Variants in ANKRD44 observed in about 807,000 individuals in gnomAD.
ANKRD44 encodes the protein serine/threonine-protein phosphatase 6 regulatory ankyrin repeat subunit B.
ANKRD44 carries 35 observed loss-of-function variants against 116.0 expected under a neutral mutation model. That is an observed-to-expected ratio of 0.30 (90% CI 0.23 to 0.40). The LOEUF is 0.40. ANKRD44 is among the 10% of genes least tolerant of loss of function. ANKRD44 has a pLI of 1.00. For synonymous variants in ANKRD44, 435 were observed against 461.8 expected, an observed-to-expected ratio of 0.94 and a Z score of 0.74; for missense variants, 1,014 against 1,242.6, an observed-to-expected ratio of 0.82 and a Z score of 2.77.
chr2:197,219,748 T>A (rs1471886227), intron 1 of ANKRD44, among the ~76,000 whole-genome samples: 3 of 152,148 alleles, frequency 2.0e-5, no homozygotes, highest in East Asian at 3.8e-4. Flanking sequence ...ATTTTTTTTT[T>A]AATTTTTATA....
chr2:196,998,498 ATAAC>A (rs2076055326), intron 24 of ANKRD44, 79 bp from the exon 25 acceptor site: 1 of 967,598 alleles, frequency 1.0e-6, no homozygotes, highest in African/African-American at 1.6e-5. Flanking sequence ...TACAAACACA[ATAAC>A]ATATTTAAAT....
At chr2:197,248,994 C>T (rs896211048) in intron 1 of ANKRD44, among the ~76,000 whole-genome samples, 1 of 151,994 alleles carries the variant, frequency 6.6e-6, no homozygotes, top group African/African-American at 2.4e-5. Flanking sequence ...ACTAGCTGGC[C>T]GAGTGAGGTG....
chr2:197,254,120 C>T (rs747973087), intron 1 of ANKRD44, among the ~76,000 whole-genome samples: 3 of 152,182 alleles, frequency 2.0e-5, no homozygotes, highest in African/African-American at 7.2e-5. Context: ...AGACGAGGCA[C>T]GGTGGCTCAC....
At chr2:197,063,530 A>G (rs1335317304) in intron 16 of ANKRD44, among the ~76,000 whole-genome samples, 1 of 152,222 alleles carries the variant, frequency 6.6e-6, no homozygotes, top group African/African-American at 2.4e-5. Flanking sequence ...GTTCGAACCC[A>G]TCGCAAAGAA....
chr2:197,226,158 T>C lies in ANKRD44; in HGVS notation c.28-39052A>G, dbSNP rs190742086. On this transcript the variant is annotated intron_variant, in intron 1 of 27. Transcript: ENST00000282272. Reference sequence around the variant, plus strand: ...TACAAGCTGCTGTGTCATCTATAAATCCCTTGGTTAGAGACCAACTATATA... The same window carrying C: ...TACAAGCTGCTGTGTCATCTATAAACCCCTTGGTTAGAGACCAACTATATA... Among the ~76,000 whole-genome samples the C allele has an allele frequency of 2.0e-5, 3 of 152,298 alleles. No homozygotes were observed. The East Asian group carries it at 5.8e-4, about 29-fold the overall frequency.
chr2:196,993,726 G>A, intron 26 of ANKRD44, 52 bp from the exon 27 acceptor site: 1 of 1,479,988 alleles, frequency 6.8e-7, no homozygotes, highest in African/African-American at 1.4e-5. Flanking sequence ...GGGTGAGAAT[G>A]TGGAATTTTT....
intron 1 of ANKRD44, among the ~76,000 whole-genome samples, chr2:197,205,989 C>T (rs186609411): frequency 2.6e-5 from 4 of 152,244 alleles, no homozygotes; most frequent in East Asian, 3.9e-4. Context: ...GGGCTGGCCA[C>T]GCTGAGACTT....
chr2:196,978,490 C>A (rs2075775649), intron 21 of ANKRD44, among the ~76,000 whole-genome samples: 1 of 152,202 alleles, frequency 6.6e-6, no homozygotes, highest in South Asian at 2.1e-4. Context: ...TGAAAACATT[C>A]TGCTTAGAAG....
At chr2:197,106,581 A>C (rs2078432775) in intron 9 of ANKRD44, among the ~76,000 whole-genome samples, 1 of 152,074 alleles carries the variant, frequency 6.6e-6, no homozygotes, top group Non-Finnish European at 1.5e-5. Context: ...CGAGGTCAGG[A>C]GATTGAGACC....
intron 1 of ANKRD44, chr2:197,296,230 G>A (rs564193999): frequency 6.6e-5 from 10 of 151,944 alleles, no homozygotes; most frequent in African/African-American, 2.4e-4. Flanking sequence ...AAAATAATTT[G>A]TTACCTGCCT....
chr2:197,023,284 AT>A (rs1370462351), intron 17 of ANKRD44, among the ~76,000 whole-genome samples: 1 of 152,220 alleles, frequency 6.6e-6, no homozygotes, highest in Admixed American at 6.5e-5. Context: ...TTGGGTTAAT[AT>A]CACACAATAA....
At chr2:196,993,456 C>T (rs1317251586) in intron 27 of ANKRD44, 127 bp downstream of exon 27, 23 of 737,498 alleles carry the variant, frequency 3.1e-5, no homozygotes, top group Non-Finnish European at 4.5e-5. Context: ...ATTTCTCACA[C>T]ACAGGACTTC....
intron 1 of ANKRD44, among the ~76,000 whole-genome samples, chr2:197,280,827 C>A (rs2083243063): frequency 6.6e-6 from 1 of 152,180 alleles, no homozygotes; most frequent in Non-Finnish European, 1.5e-5. Context: ...CATATTTAGT[C>A]TTTTTCTCCC....
At chr2:197,236,990 G>C (rs2081992184) in intron 1 of ANKRD44, among the ~76,000 whole-genome samples, 2 of 152,184 alleles carry the variant, frequency 1.3e-5, no homozygotes, top group South Asian at 4.1e-4. Flanking sequence ...AAAATAGGAG[G>C]AACAAAGTGT....
At chr2:197,198,973 T>C (rs552977055) in intron 1 of ANKRD44, 5 of 152,316 alleles carry the variant, frequency 3.3e-5, no homozygotes, top group African/African-American at 1.2e-4. Context: ...CACCGGAAGT[T>C]CTGCAGCACT....
intron 10 of ANKRD44, among the ~76,000 whole-genome samples, chr2:197,096,107 T>C (rs1314992345): frequency 6.6e-6 from 1 of 152,180 alleles, no homozygotes; most frequent in Admixed American, 6.5e-5. Flanking sequence ...TGAGACTGGG[T>C]TCCACATCTT....
intron 16 of ANKRD44, among the ~76,000 whole-genome samples, chr2:197,028,132 T>A (rs964022797): frequency 1.3e-5 from 2 of 152,156 alleles, no homozygotes; most frequent in African/African-American, 2.4e-5. Flanking sequence ...ATAGAAAAAA[T>A]AATAACTAGC....
chr2:197,267,039 C>G (rs1445199056), intron 1 of ANKRD44, among the ~76,000 whole-genome samples: 3 of 151,866 alleles, frequency 2.0e-5, no homozygotes, highest in Admixed American at 1.3e-4. Flanking sequence ...AATGCCACAT[C>G]AAGGCATTCA....
At chr2:197,086,577 G>T in intron 13 of ANKRD44, 103 bp downstream of exon 13, 1 of 1,099,420 alleles carries the variant, frequency 9.1e-7, no homozygotes, top group Non-Finnish European at 1.3e-6. Flanking sequence ...AATCCCCCCA[G>T]CTAACTTCCC....
Sources: allele counts gnomAD v4.1 joint callset (sites outside exome capture counted in the v4.1 genomes callset), GRCh38; gene constraint gnomAD v4.1.1; transcripts MANE v1.5; gene names NCBI Gene and HGNC (gene_info 2026-07-23, HGNC 2026-07-21).